RASAL2: variants seen among roughly 807,000 people sequenced by gnomAD.
RASAL2 encodes the protein RAS protein activator like 2, also known as ras GTPase-activating protein nGAP.
A neutral mutation model predicts 128.9 loss-of-function variants in RASAL2; 58 were observed. The observed-to-expected ratio is 0.45, with a 90% CI of 0.36 to 0.56. RASAL2 has a LOEUF of 0.56. Ranked by LOEUF, RASAL2 falls within the 20% of genes least tolerant of loss-of-function variation. The pLI is 0.00. For synonymous variants in RASAL2, 561 were observed against 580.8 expected, an observed-to-expected ratio of 0.97 and a Z score of 0.49; for missense variants, 1,360 against 1,601.6, an observed-to-expected ratio of 0.85 and a Z score of 2.57.
At chr1:178,444,763 A>G (rs1676885000) in intron 8 of RASAL2, among the ~76,000 whole-genome samples, 1 of 152,178 alleles carries the variant, frequency 6.6e-6, no homozygotes, top group Non-Finnish European at 1.5e-5. Context: ...TGAGTTCAGT[A>G]GATTCTACAT....
chr1:178,332,727 T>A (rs1035394894), intron 3 of RASAL2, among the ~76,000 whole-genome samples: 8 of 148,992 alleles, frequency 5.4e-5, no homozygotes, highest in Non-Finnish European at 1.0e-4. Flanking sequence ...TTCTCCTGCC[T>A]CAGCCTCCCA....
rs552501217 is a variant in RASAL2 at position 178,318,170 on chromosome 1, A to T, written c.457+18052A>T. On this transcript the variant is annotated intron_variant, in intron 3 of 17. Transcript: ENST00000367649. ...GTGGTCTGAGAGACAGTTTGTTATAATTTCTGTTCTTTTACATTTGCTGAG... is the reference window on the plus strand; with the variant it reads ...GTGGTCTGAGAGACAGTTTGTTATATTTTCTGTTCTTTTACATTTGCTGAG... 2.0e-4 allele frequency among the ~76,000 whole-genome samples: 30 copies of T among 151,974 alleles called. No individual in the cohort carries two copies. The East Asian group carries it at 5.8e-3, about 29-fold the overall frequency.
At chr1:178,188,859 C>T (rs1288633123) in intron 1 of RASAL2, among the ~76,000 whole-genome samples, 1 of 151,980 alleles carries the variant, frequency 6.6e-6, no homozygotes, top group African/African-American at 2.4e-5. Flanking sequence ...CTAAAAGTAC[C>T]TAATTTCTAA....
chr1:178,380,587 G>A (rs1672228809), intron 3 of RASAL2, among the ~76,000 whole-genome samples: 1 of 152,082 alleles, frequency 6.6e-6, no homozygotes, highest in South Asian at 2.1e-4. Flanking sequence ...GTGGGGGTAG[G>A]GGCAGGTGTC....
intron 1 of RASAL2, among the ~76,000 whole-genome samples, chr1:178,181,738 T>C (rs532938021): frequency 1.3e-5 from 2 of 152,174 alleles, no homozygotes; most frequent in East Asian, 3.9e-4. Flanking sequence ...TGAGGAGTAT[T>C]GATAAGGTTT....
intron 3 of RASAL2, among the ~76,000 whole-genome samples, chr1:178,367,821 C>T (rs1027860946): frequency 6.6e-6 from 1 of 151,974 alleles, no homozygotes; most frequent in Non-Finnish European, 1.5e-5. Flanking sequence ...GTTATTTGAC[C>T]CAGGCAGATA....
chr1:178,282,909 G>A (rs771125458), intron 1 of RASAL2, among the ~76,000 whole-genome samples: 26 of 152,052 alleles, frequency 1.7e-4, no homozygotes, highest in Non-Finnish European at 3.5e-4. Flanking sequence ...TAACCACTTG[G>A]TATTTTATAA....
At chr1:178,307,667 G>T (rs1668058109) in intron 3 of RASAL2, among the ~76,000 whole-genome samples, 1 of 152,174 alleles carries the variant, frequency 6.6e-6, no homozygotes, top group Non-Finnish European at 1.5e-5. Flanking sequence ...CTGAAGAGTG[G>T]ACATTTTTAT....
intron 1 of RASAL2, among the ~76,000 whole-genome samples, chr1:178,249,253 T>C (rs1016829385): frequency 6.6e-6 from 1 of 152,016 alleles, no homozygotes; most frequent in Admixed American, 6.6e-5. Context: ...CATTCTTTTT[T>C]CTCTAATCTT....
intron 3 of RASAL2, among the ~76,000 whole-genome samples, chr1:178,328,079 CTTTGTTT>C (rs1283326146): frequency 6.6e-6 from 1 of 151,922 alleles, no homozygotes; most frequent in African/African-American, 2.4e-5. Flanking sequence ...CATAAATTTC[CTTTGTTT>C]TTTAAGTTAC....
intron 5 of RASAL2, among the ~76,000 whole-genome samples, chr1:178,438,898 T>C (rs942625041): frequency 2.4e-4 from 36 of 149,212 alleles, no homozygotes; most frequent in African/African-American, 8.9e-4. Context: ...TGTGTGTGTG[T>C]GTGTGTGTGT....
intron 1 of RASAL2, among the ~76,000 whole-genome samples, chr1:178,178,815 C>T (rs1338731771): frequency 1.3e-5 from 2 of 152,108 alleles, no homozygotes; most frequent in Non-Finnish European, 2.9e-5. Context: ...ATATGGAATT[C>T]TGTATTAATT....
chr1:178,429,790 G>A (rs1675764236), intron 5 of RASAL2, among the ~76,000 whole-genome samples: 1 of 151,822 alleles, frequency 6.6e-6, no homozygotes, highest in Non-Finnish European at 1.5e-5. Context: ...TGATCTTACT[G>A]TCTCCTCTAA....
chr1:178,323,210 A>G (rs1349644686), intron 3 of RASAL2, among the ~76,000 whole-genome samples: 2 of 152,070 alleles, frequency 1.3e-5, no homozygotes, highest in African/African-American at 4.8e-5. Context: ...TCTTTACTAG[A>G]TTGGAACCTC....
chr1:178,321,068 G>A (rs1438356868), intron 3 of RASAL2, among the ~76,000 whole-genome samples: 1 of 152,078 alleles, frequency 6.6e-6, no homozygotes, highest in Non-Finnish European at 1.5e-5. Context: ...TACTTTATCT[G>A]TGCACAATAA....
chr1:178,147,942 A>C (rs539109152), intron 1 of RASAL2, among the ~76,000 whole-genome samples: 8 of 151,928 alleles, frequency 5.3e-5, no homozygotes, highest in African/African-American at 1.9e-4. Context: ...ATGGTGGTGC[A>C]TGCCTGTAAT....
At chr1:178,451,189 A>G (rs1677351924) in intron 9 of RASAL2, among the ~76,000 whole-genome samples, 1 of 152,212 alleles carries the variant, frequency 6.6e-6, no homozygotes, top group African/African-American at 2.4e-5. Flanking sequence ...AGCTTGGGTC[A>G]TTTGTTCTTC....
At chr1:178,368,154 G>C (rs1418912938) in intron 3 of RASAL2, among the ~76,000 whole-genome samples, 1 of 152,170 alleles carries the variant, frequency 6.6e-6, no homozygotes, top group Non-Finnish European at 1.5e-5. Context: ...ATTGGTCTCT[G>C]TGGAATATGG....
chr1:178,333,455 C>T (rs1210375519), intron 3 of RASAL2, among the ~76,000 whole-genome samples: 1 of 152,056 alleles, frequency 6.6e-6, no homozygotes, highest in Non-Finnish European at 1.5e-5. Context: ...CATTTTAACC[C>T]ATTTATGCCT....
Sources: gnomAD v4.1 joint callset for allele counts (sites outside exome capture counted in the v4.1 genomes callset) on GRCh38, gnomAD v4.1.1 for gene constraint, MANE v1.5 for transcripts, NCBI Gene and HGNC (gene_info 2026-07-23, HGNC 2026-07-21) for gene names.